The following UBE3D variants were observed in gnomAD, a reference collection of about 807,000 sequenced individuals.
UBE3D encodes ubiquitin protein ligase E3D.
A neutral mutation model predicts 49.6 loss-of-function variants in UBE3D; 48 were observed. That is an observed-to-expected ratio of 0.97 (90% CI 0.77 to 1.23). The LOEUF (loss-of-function observed/expected upper bound fraction) is 1.23. Ranked by LOEUF, UBE3D falls within the 50% of genes most tolerant of loss-of-function variation. The pLI, the probability that UBE3D is intolerant of heterozygous loss-of-function variation, is 0.00. For synonymous variants in UBE3D, 189 were observed against 174.2 expected (o/e 1.08, Z -0.67); for missense variants, 452 against 468.4 (o/e 0.96, Z 0.32).
intron 3 of UBE3D, chr6:83,049,855 A>G: frequency 2.1e-6 from 1 of 467,116 alleles, no homozygotes; most frequent in South Asian, 1.5e-5. Flanking sequence ...TAAAATACAT[A>G]AATTCCAAAC....
intron 3 of UBE3D, among the ~76,000 whole-genome samples, chr6:83,053,669 C>G (rs942899): frequency 0.77 from 117,490 of 152,174 alleles, 45,536 homozygotes; most frequent in East Asian, 0.91. Flanking sequence ...TAATCATTGA[C>G]AAAAGGTTAA....
chr6:82,961,921 C>A (rs763544756), intron 8 of UBE3D, among the ~76,000 whole-genome samples: 2 of 150,882 alleles, frequency 1.3e-5, no homozygotes, highest in Non-Finnish European at 2.9e-5. Flanking sequence ...GAGATCATGC[C>A]ATTGCTCTCC....
intron 4 of UBE3D, 50 bp downstream of exon 4, chr6:83,044,378 G>T: frequency 1.3e-6 from 2 of 1,556,654 alleles, no homozygotes; most frequent in Non-Finnish European, 8.8e-7. Flanking sequence ...GAAGAAGTCA[G>T]TATCTAAGAC....
At chr6:82,996,814 C>G (rs528297966) in intron 8 of UBE3D, among the ~76,000 whole-genome samples, 1 of 152,258 alleles carries the variant, frequency 6.6e-6, no homozygotes, top group South Asian at 2.1e-4. Context: ...CAAGGAAAAA[C>G]TATCATAGTC....
intron 4 of UBE3D, among the ~76,000 whole-genome samples, chr6:83,041,255 T>C (rs1372017790): frequency 6.6e-6 from 1 of 152,206 alleles, no homozygotes; most frequent in Non-Finnish European, 1.5e-5. Flanking sequence ...CACTTTGTCT[T>C]TCAAGGGGGC....
At chr6:82,921,481 TCA>T (rs1773333316) in intron 9 of UBE3D, among the ~76,000 whole-genome samples, 1 of 152,110 alleles carries the variant, frequency 6.6e-6, no homozygotes, top group Non-Finnish European at 1.5e-5. Flanking sequence ...GCACACTGGA[TCA>T]CACACCCCTG....
intron 9 of UBE3D, among the ~76,000 whole-genome samples, chr6:82,906,833 C>T (rs1772137270): frequency 1.3e-5 from 2 of 152,216 alleles, no homozygotes; most frequent in African/African-American, 4.8e-5. Context: ...ATCTTTCTAT[C>T]TGGTTAGCTA....
chr6:83,033,185 A>C (rs891806320), intron 5 of UBE3D, among the ~76,000 whole-genome samples: 1 of 152,100 alleles, frequency 6.6e-6, no homozygotes, highest in Non-Finnish European at 1.5e-5. Context: ...GAGGTGTTAC[A>C]CACTTTTAAA....
chr6:83,016,956 G>A (rs1780741250), intron 8 of UBE3D, among the ~76,000 whole-genome samples: 1 of 152,050 alleles, frequency 6.6e-6, no homozygotes, highest in Non-Finnish European at 1.5e-5. Context: ...TGATTAGATG[G>A]TGCCCACCCA....
At chr6:83,054,332 A>T (rs946066334) in intron 2 of UBE3D, 94 bp from the exon 3 acceptor site, 3 of 928,956 alleles carry the variant, frequency 3.2e-6, no homozygotes, top group Middle Eastern at 2.8e-4. Context: ...ATTACCATCC[A>T]TAAACAGTTT....
chr6:82,992,108 A>T (rs1394300370), intron 8 of UBE3D, among the ~76,000 whole-genome samples: 1 of 151,844 alleles, frequency 6.6e-6, no homozygotes, highest in Non-Finnish European at 1.5e-5. Flanking sequence ...GTATTCCAAG[A>T]TGTCTTGGAA....
intron 8 of UBE3D, among the ~76,000 whole-genome samples, chr6:82,980,656 T>C (rs1338478819): frequency 3.9e-5 from 6 of 152,172 alleles, no homozygotes; most frequent in Non-Finnish European, 8.8e-5. Flanking sequence ...CCTAGGCCAA[T>C]GTCCAGAAGA....
intron 9 of UBE3D, among the ~76,000 whole-genome samples, chr6:82,951,509 C>T (rs1775795326): frequency 6.6e-6 from 1 of 152,122 alleles, no homozygotes; most frequent in African/African-American, 2.4e-5. Flanking sequence ...AGTATATTTT[C>T]CAAGGAAGAC....
chr6:82,908,365 C>T (rs1239403927), intron 9 of UBE3D, among the ~76,000 whole-genome samples: 1 of 151,994 alleles, frequency 6.6e-6, no homozygotes, highest in African/African-American at 2.4e-5. Context: ...ATCTGGTAGG[C>T]AGAGGCCCGG....
intron 8 of UBE3D, among the ~76,000 whole-genome samples, chr6:82,973,550 T>C (rs919595868): frequency 2.4e-4 from 32 of 130,788 alleles, no homozygotes; most frequent in African/African-American, 8.7e-4. Flanking sequence ...CTATTTTTTA[T>C]TAAAAATGAT....
At chr6:82,883,179 T>G in the UBE3D span, among the ~76,000 whole-genome samples, 1 of 152,210 alleles carries the variant, frequency 6.6e-6, no homozygotes, top group South Asian at 2.1e-4. Flanking sequence ...CGTTTTATTT[T>G]TGAAAAGTAT....
intron 8 of UBE3D, among the ~76,000 whole-genome samples, chr6:82,969,978 T>C (rs1777228355): frequency 6.6e-6 from 1 of 151,096 alleles, no homozygotes; most frequent in South Asian, 2.1e-4. Context: ...AATAGATCCA[T>C]GGAACAAAAC....
intron 9 of UBE3D, among the ~76,000 whole-genome samples, chr6:82,916,272 A>C (rs540639417): frequency 6.6e-6 from 1 of 152,314 alleles, no homozygotes; most frequent in East Asian, 1.9e-4. Flanking sequence ...GAGATTCTGT[A>C]CATCTGTGTC....
intron 3 of UBE3D, among the ~76,000 whole-genome samples, chr6:83,047,501 A>G (rs1348854659): frequency 1.3e-5 from 2 of 152,172 alleles, no homozygotes; most frequent in African/African-American, 4.8e-5. Flanking sequence ...TTGTACCTGG[A>G]ACTACGTCGT....
Sources: gnomAD v4.1 joint callset for allele counts (sites outside exome capture counted in the v4.1 genomes callset) on GRCh38, gnomAD v4.1.1 for gene constraint, MANE v1.5 for transcripts, NCBI Gene and HGNC (gene_info 2026-07-23, HGNC 2026-07-21) for gene names.